Variants in DTNB observed in about 807,000 individuals in gnomAD.
DTNB encodes dystrobrevin beta.
In DTNB, 63 loss-of-function variants were observed where a neutral mutation model predicts 90.7. The observed-to-expected ratio is 0.69, with a 90% CI of 0.57 to 0.86. The LOEUF (loss-of-function observed/expected upper bound fraction) is 0.86, where lower values mean the gene tolerates loss of function less well. Ranked by LOEUF, DTNB falls within the 40% of genes least tolerant of loss-of-function variation. The pLI is 0.00. For synonymous variants in DTNB, 277 were observed against 286.7 expected, an observed-to-expected ratio of 0.97 and a Z score of 0.34; for missense variants, 744 against 807.1, an observed-to-expected ratio of 0.92 and a Z score of 0.95.
At chr2:25,606,441 A>G (rs1573308140) in intron 5 of DTNB, among the ~76,000 whole-genome samples, 1 of 152,232 alleles carries the variant, frequency 6.6e-6, no homozygotes, top group Non-Finnish European at 1.5e-5. Context: ...GGGCTCTGAC[A>G]TCTGAGTTAA....
intron 4 of DTNB, among the ~76,000 whole-genome samples, chr2:25,616,415 T>C (rs2070529542): frequency 6.6e-6 from 1 of 152,172 alleles, no homozygotes; most frequent in African/African-American, 2.4e-5. Flanking sequence ...TTATTCAAAA[T>C]ATCCTTTGAC....
chr2:25,594,543 G>C (rs978952477), intron 6 of DTNB, among the ~76,000 whole-genome samples: 1 of 152,208 alleles, frequency 6.6e-6, no homozygotes, highest in Non-Finnish European at 1.5e-5. Context: ...ATGTAGGTGG[G>C]GAGGGGCCAT....
At chr2:25,432,073 T>A (rs2149947485) in intron 14 of DTNB, among the ~76,000 whole-genome samples, 1 of 152,286 alleles carries the variant, frequency 6.6e-6, no homozygotes, top group African/African-American at 2.4e-5. Context: ...AACAAGAGGC[T>A]ACACAGAATC....
chr2:25,385,473 C>A (rs754420632), intron 18 of DTNB, among the ~76,000 whole-genome samples: 1 of 152,152 alleles, frequency 6.6e-6, no homozygotes. Flanking sequence ...CTTTGGTCCA[C>A]GTCTACCTAC....
chr2:25,580,886 T>A (rs757804869), intron 6 of DTNB, 60 bp from the exon 7 acceptor site: 6 of 1,454,632 alleles, frequency 4.1e-6, no homozygotes, highest in South Asian at 1.2e-5. Context: ...AAACTCCAAG[T>A]TTAATTTAGG....
At chr2:25,412,085 G>A (rs770844625) in intron 16 of DTNB, among the ~76,000 whole-genome samples, 8 of 152,128 alleles carry the variant, frequency 5.3e-5, no homozygotes, top group Non-Finnish European at 1.2e-4. Context: ...TTGTTGCATA[G>A]GTTTGTTTTT....
intron 2 of DTNB, among the ~76,000 whole-genome samples, chr2:25,652,114 G>A (rs1398122720): frequency 6.6e-6 from 1 of 152,094 alleles, no homozygotes. Context: ...ATACAACAAT[G>A]TAAATTTTAA....
intron 8 of DTNB, among the ~76,000 whole-genome samples, chr2:25,572,652 G>A (rs929022996): frequency 1.3e-5 from 2 of 151,282 alleles, no homozygotes; most frequent in Non-Finnish European, 2.9e-5. Context: ...AGTTCTCAGA[G>A]GTTTTTTGTT....
intron 16 of DTNB, among the ~76,000 whole-genome samples, chr2:25,396,115 A>C (rs2042294098): frequency 6.6e-6 from 1 of 152,214 alleles, no homozygotes; most frequent in Admixed American, 6.5e-5. Flanking sequence ...AATGGCATTC[A>C]CAGCAACCTG....
chr2:25,474,293 TAA>T (rs75986575), intron 10 of DTNB, among the ~76,000 whole-genome samples: 5 of 141,732 alleles, frequency 3.5e-5, no homozygotes, highest in African/African-American at 1.3e-4. Flanking sequence ...TTTTCTGTCT[TAA>T]AAAAAAAAAA....
At chr2:25,450,073 T>TGGGA (rs1383186199) in intron 12 of DTNB, among the ~76,000 whole-genome samples, 1 of 152,190 alleles carries the variant, frequency 6.6e-6, no homozygotes, top group African/African-American at 2.4e-5. Flanking sequence ...TTTATCAATT[T>TGGGA]TTAAAATGGT....
At chr2:25,388,455 C>T in intron 16 of DTNB, 94 bp from the exon 17 acceptor site, 1 of 1,436,238 alleles carries the variant, frequency 7.0e-7, no homozygotes, top group Non-Finnish European at 9.2e-7. Context: ...CAGAGCCAGC[C>T]AGTGGGCCTC....
At chr2:25,441,427 A>G (rs2057359399) in intron 12 of DTNB, among the ~76,000 whole-genome samples, 1 of 152,198 alleles carries the variant, frequency 6.6e-6, no homozygotes, top group Non-Finnish European at 1.5e-5. Context: ...TACATGTCAC[A>G]TTCTGAATAT....
chr2:25,515,554 G>C (rs2074916682), intron 9 of DTNB, among the ~76,000 whole-genome samples: 1 of 151,312 alleles, frequency 6.6e-6, no homozygotes, highest in Non-Finnish European at 1.5e-5. Flanking sequence ...CTGGTGCTTA[G>C]ACAAGTGGAT....
chr2:25,410,236 TC>T (rs1369464823), intron 16 of DTNB, among the ~76,000 whole-genome samples: 3 of 152,190 alleles, frequency 2.0e-5, no homozygotes, highest in African/African-American at 7.2e-5. Context: ...CTGTGTGCAT[TC>T]TGGTCAGGAG....
At position 25,652,679 on chromosome 2, in the gene DTNB, T is replaced by C. The variant is rs1163679429; in HGVS notation, c.-1-18A>G. ...CAATCATCCTAGAGACAAAGAAAGA[T>C]ACAATAAACCACTGTATAATTCGAC... On this transcript the variant is annotated intron_variant, in intron 1 of 20. Transcript: ENST00000406818. 50 of 1,609,048 alleles carry C rather than the reference T, an allele frequency of 3.1e-5. No individual in the cohort carries two copies. Among genetic ancestry groups the C allele is most frequent in the Non-Finnish European group, 4.2e-5 (49 of 1,178,738 alleles).
At chr2:25,647,962 G>C (rs2079892044) in intron 2 of DTNB, among the ~76,000 whole-genome samples, 1 of 152,058 alleles carries the variant, frequency 6.6e-6, no homozygotes, top group African/African-American at 2.4e-5. Flanking sequence ...AATAGGAAGA[G>C]GAAAATACAC....
chr2:25,637,177 C>G (rs562333510), intron 3 of DTNB, among the ~76,000 whole-genome samples: 1 of 152,152 alleles, frequency 6.6e-6, no homozygotes, highest in Non-Finnish European at 1.5e-5. Flanking sequence ...GAAACTGGAT[C>G]CCTTCCTTAC....
At chr2:25,390,299 T>A (rs1384026318) in intron 16 of DTNB, among the ~76,000 whole-genome samples, 3 of 152,188 alleles carry the variant, frequency 2.0e-5, no homozygotes, top group Non-Finnish European at 4.4e-5. Flanking sequence ...GAGCTAAAAC[T>A]AAAATGGATC....
Sources: gnomAD v4.1 joint callset for allele counts (sites outside exome capture counted in the v4.1 genomes callset) on GRCh38, gnomAD v4.1.1 for gene constraint, MANE v1.5 for transcripts, NCBI Gene and HGNC (gene_info 2026-07-23, HGNC 2026-07-21) for gene names.